Variants in CHRM3 observed in about 807,000 individuals in gnomAD.
CHRM3 encodes the protein cholinergic receptor muscarinic 3.
Under a neutral mutation model 41.8 loss-of-function variants are expected in CHRM3, and 11 were observed. The ratio of observed to expected loss-of-function variants is 0.26; its 90% CI spans 0.17 to 0.44. CHRM3 has a LOEUF of 0.44. CHRM3 is among the 20% of genes least tolerant of loss of function. CHRM3 has a pLI of 1.00. For missense variants in CHRM3, 571 were observed against 745.4 expected, an observed-to-expected ratio of 0.77 and a Z score of 2.72; for synonymous variants, 297 against 301.4, an observed-to-expected ratio of 0.99 and a Z score of 0.15.
intron 3 of CHRM3, among the ~76,000 whole-genome samples, chr1:239,580,702 TATACAC>T (rs1363213244): frequency 7.9e-6 from 1 of 125,796 alleles, no homozygotes; most frequent in Non-Finnish European, 1.7e-5. Flanking sequence ...TATATATATA[TATACAC>T]ACACACACAC....
At chr1:239,833,857 A>G (rs181611821) in intron 6 of CHRM3, among the ~76,000 whole-genome samples, 11 of 152,244 alleles carry the variant, frequency 7.2e-5, no homozygotes, top group African/African-American at 2.6e-4. Flanking sequence ...TTGTGTCCTG[A>G]TGTCCTGAAT....
intron 5 of CHRM3, among the ~76,000 whole-genome samples, chr1:239,813,882 A>C (rs1022851623): frequency 7.6e-6 from 1 of 130,738 alleles, no homozygotes; most frequent in African/African-American, 3.2e-5. Context: ...CCGCCACTGC[A>C]CTCCAGCCTG....
chr1:239,433,432 G>T (rs142474551), intron 1 of CHRM3, among the ~76,000 whole-genome samples: 1 of 152,154 alleles, frequency 6.6e-6, no homozygotes, highest in Admixed American at 6.5e-5. Context: ...GTTTAGGCTC[G>T]ACTCATTTCT....
chr1:239,573,282 AG>A (rs1662001003), intron 3 of CHRM3, among the ~76,000 whole-genome samples: 1 of 152,114 alleles, frequency 6.6e-6, no homozygotes, highest in Non-Finnish European at 1.5e-5. Flanking sequence ...AGTTTTACTG[AG>A]TTCCTTCTGC....
chr1:239,465,506 A>G (rs1464707528), intron 1 of CHRM3, among the ~76,000 whole-genome samples: 1 of 152,110 alleles, frequency 6.6e-6, no homozygotes, highest in African/African-American at 2.4e-5. Flanking sequence ...GTCAGTTTAG[A>G]AAGATTGGAT....
intron 5 of CHRM3, among the ~76,000 whole-genome samples, chr1:239,823,504 G>A (rs1475985447): frequency 1.3e-5 from 2 of 152,092 alleles, no homozygotes; most frequent in African/African-American, 4.8e-5. Flanking sequence ...CGTTCATTCA[G>A]CATTGGGACC....
intron 5 of CHRM3, among the ~76,000 whole-genome samples, chr1:239,737,895 AAAAC>A (rs756667380): frequency 1.3e-5 from 2 of 152,198 alleles, no homozygotes; most frequent in Admixed American, 6.5e-5. Context: ...GGGCAATTAA[AAAAC>A]AAACAAACAA....
chr1:239,715,085 A>G (rs887460427), intron 5 of CHRM3, among the ~76,000 whole-genome samples: 2 of 152,156 alleles, frequency 1.3e-5, no homozygotes, highest in East Asian at 3.9e-4. Context: ...GGAGTGGCTA[A>G]CAATATCAAA....
intron 1 of CHRM3, among the ~76,000 whole-genome samples, chr1:239,404,430 GAA>G (rs1346772535): frequency 2.7e-5 from 3 of 112,074 alleles, no homozygotes; most frequent in East Asian, 4.9e-4. Flanking sequence ...AAGAAAGAAA[GAA>G]AGAAAGAAAG....
At chr1:239,810,813 T>G (rs1004128772) in intron 5 of CHRM3, among the ~76,000 whole-genome samples, 3 of 152,242 alleles carry the variant, frequency 2.0e-5, no homozygotes, top group Admixed American at 2.0e-4. Flanking sequence ...GAGCAGTAGT[T>G]GTCCTCATTT....
chr1:239,833,110 C>T (rs1482116665), intron 6 of CHRM3, among the ~76,000 whole-genome samples: 1 of 152,210 alleles, frequency 6.6e-6, no homozygotes, highest in African/African-American at 2.4e-5. Flanking sequence ...TCCCCACAGA[C>T]ATTTTAATGA....
intron 5 of CHRM3, among the ~76,000 whole-genome samples, chr1:239,739,136 GC>G (rs1664633131): frequency 1.3e-5 from 2 of 152,098 alleles, no homozygotes; most frequent in African/African-American, 4.8e-5. Context: ...GCAAATAGGT[GC>G]CCAGTTGGGC....
chr1:239,719,183 A>G (rs771259144), intron 5 of CHRM3: 1 of 151,992 alleles, frequency 6.6e-6, no homozygotes, highest in Non-Finnish European at 1.5e-5. Context: ...AGAATGCAGG[A>G]TATGTGAAAT....
chr1:239,846,582 T>C (rs930791166), intron 6 of CHRM3, among the ~76,000 whole-genome samples: 11 of 152,170 alleles, frequency 7.2e-5, no homozygotes, highest in Admixed American at 2.0e-4. Context: ...ATATGGAGAA[T>C]TCATGGTAAA....
chr1:239,890,118 A>G (rs1488286475), intron 6 of CHRM3, among the ~76,000 whole-genome samples: 2 of 152,096 alleles, frequency 1.3e-5, no homozygotes, highest in Non-Finnish European at 2.9e-5. Context: ...CCTGACCAAC[A>G]TGGAGAAACC....
chr1:239,695,115 A>T (rs1178294338), intron 5 of CHRM3, among the ~76,000 whole-genome samples: 1 of 152,122 alleles, frequency 6.6e-6, no homozygotes, highest in Non-Finnish European at 1.5e-5. Flanking sequence ...GGTTCAAGAG[A>T]TTCTTCTGCC....
At chr1:239,683,867 T>C (rs1244017138) in intron 5 of CHRM3, among the ~76,000 whole-genome samples, 1 of 152,194 alleles carries the variant, frequency 6.6e-6, no homozygotes, top group Non-Finnish European at 1.5e-5. Context: ...ATATGCTATA[T>C]ATTGCTTCAC....
intron 1 of CHRM3, among the ~76,000 whole-genome samples, chr1:239,451,710 G>A (rs1216139194): frequency 2.0e-5 from 3 of 152,050 alleles, no homozygotes; most frequent in African/African-American, 7.2e-5. Flanking sequence ...GAAACACCCA[G>A]CAAAAGGATG....
chr1:239,907,836 A>G lies in CHRM3; in HGVS notation c.385A>G (p.Ile129Val), dbSNP rs1558230871. Residue 129 changes from isoleucine to valine, a missense_variant, in exon 7 of 7, where the codon ATC (isoleucine) becomes GTC (valine). Ile to Val is a conservative substitution (Grantham distance 29). This residue lies in a region of CHRM3 where 153 missense variants were observed against 296.3 expected (regional missense o/e 0.52). Transcript: ENST00000676153. The surrounding 1 kb of genome is among the most constrained non-coding windows in gnomAD (Gnocchi z 5.4). ...TTCAATGAATCTGTTTACGACCTAC[A>G]TCATCATGAATCGATGGGCCTTAGG... ...VISMNLFTTY[I>V]IMNRWALGNL... 1.9e-6 allele frequency: 3 copies of G among 1,614,188 alleles called. No individual in the cohort carries two copies. The highest frequency in any genetic ancestry group is 1.6e-4 in the Middle Eastern group (1 of 6,062).
Sources: allele counts gnomAD v4.1 joint callset (sites outside exome capture counted in the v4.1 genomes callset), GRCh38; gene constraint gnomAD v4.1.1; regional missense constraint gnomAD v4.1.1; non-coding constraint Gnocchi (gnomAD v3.1); transcripts MANE v1.5; gene names NCBI Gene and HGNC (gene_info 2026-07-23, HGNC 2026-07-21).